NRG1: variants seen among roughly 807,000 people sequenced by gnomAD.
NRG1 encodes the protein neuregulin 1.
NRG1 carries 18 observed loss-of-function variants against 63.8 expected under a neutral mutation model. That is an observed-to-expected ratio of 0.28 (90% confidence interval 0.19 to 0.42). NRG1 has a LOEUF of 0.42. Among genes scored for constraint, NRG1 ranks in the 10% least tolerant of loss-of-function variants. NRG1 has a pLI of 1.00. For synonymous variants in NRG1, 302 were observed against 301.3 expected (o/e 1.00, Z -0.02); for missense variants, 762 against 814.7 (o/e 0.94, Z 0.79).
At chr8:32,486,680 A>G (rs1825945010) in intron 1 of NRG1, among the ~76,000 whole-genome samples, 1 of 146,570 alleles carries the variant, frequency 6.8e-6, no homozygotes, top group African/African-American at 2.6e-5. Flanking sequence ...GCTGGAGTGC[A>G]GTGGCATGAC....
At chr8:32,744,625 A>C (rs946319750) in intron 7 of NRG1, among the ~76,000 whole-genome samples, 1 of 152,138 alleles carries the variant, frequency 6.6e-6, no homozygotes, top group Non-Finnish European at 1.5e-5. Flanking sequence ...CAGTAAAATC[A>C]TATTTTAGAC....
At chr8:31,824,057 G>A (rs887073772) in intron 1 of NRG1, among the ~76,000 whole-genome samples, 1 of 151,764 alleles carries the variant, frequency 6.6e-6, no homozygotes, top group African/African-American at 2.4e-5. Context: ...TAGGGTACAT[G>A]TGCACAACGT....
intron 1 of NRG1, among the ~76,000 whole-genome samples, chr8:31,865,233 T>A (rs1828847195): frequency 6.6e-6 from 1 of 152,084 alleles, no homozygotes; most frequent in South Asian, 2.1e-4. Context: ...TGTGAATGGA[T>A]GAGAGTTCAA....
In NRG1 at chr8:31,885,148, G is replaced by A. The variant is rs145843359; in HGVS notation, c.37+245717G>A. On this transcript the variant is annotated intron_variant, in intron 1 of 10. Transcript: ENST00000519301. ...TGAAGTGCAGTATGATTTCGATAAG[G>A]CCTAAGCAATTATCAAATCAGAAAT... is the stretch of plus-strand genomic sequence containing the variant. Among the ~76,000 whole-genome samples the A allele has an allele frequency of 3.8e-3, 583 of 152,162 alleles. 6 individuals carry two copies. Among genetic ancestry groups the A allele is most frequent in the African/African-American group, 0.013 (554 of 41,518 alleles).
chr8:32,325,146 A>G (rs1801841443), intron 1 of NRG1, among the ~76,000 whole-genome samples: 1 of 152,198 alleles, frequency 6.6e-6, no homozygotes, highest in Non-Finnish European at 1.5e-5. Flanking sequence ...TTCAACACTT[A>G]AGGAGGAGGC....
At chr8:32,136,783 G>T (rs1835586992) in intron 1 of NRG1, 3 of 152,226 alleles carry the variant, frequency 2.0e-5, no homozygotes, top group South Asian at 2.1e-4. Flanking sequence ...TTTCTAAGAG[G>T]TTCTAAAATG....
intron 1 of NRG1, among the ~76,000 whole-genome samples, chr8:32,080,776 TG>T (rs1827339354): frequency 7.7e-6 from 1 of 129,758 alleles, no homozygotes; most frequent in Non-Finnish European, 1.6e-5. Flanking sequence ...TGTGTGTGTG[TG>T]TGTGTGTGTG....
chr8:31,865,759 A>G (rs1049130640), intron 1 of NRG1, among the ~76,000 whole-genome samples: 2 of 152,160 alleles, frequency 1.3e-5, no homozygotes, highest in Non-Finnish European at 2.9e-5. Flanking sequence ...TCCATTATAA[A>G]TTACCCAGTC....
chr8:32,042,446 T>A (rs1477629186), intron 1 of NRG1, among the ~76,000 whole-genome samples: 2 of 150,980 alleles, frequency 1.3e-5, no homozygotes, highest in Non-Finnish European at 3.0e-5. Flanking sequence ...ACCTAAAAAT[T>A]AAAAAAAACA....
At chr8:32,165,501 A>G (rs748338348) in intron 1 of NRG1, among the ~76,000 whole-genome samples, 110 of 152,180 alleles carry the variant, frequency 7.2e-4, no homozygotes, top group Admixed American at 1.8e-3. Flanking sequence ...ATAATAAACA[A>G]AAGAAAAAAG....
intron 1 of NRG1, among the ~76,000 whole-genome samples, chr8:32,313,166 C>T (rs1191709525): frequency 2.0e-5 from 3 of 152,144 alleles, no homozygotes; most frequent in Non-Finnish European, 4.4e-5. Context: ...TATATATTCA[C>T]ATGATTTAGG....
chr8:31,837,053 C>T (rs1448280303), intron 1 of NRG1, among the ~76,000 whole-genome samples: 1 of 151,772 alleles, frequency 6.6e-6, no homozygotes, highest in South Asian at 2.1e-4. Context: ...ATGTAAGGGC[C>T]ATTTGTATTT....
intron 1 of NRG1, among the ~76,000 whole-genome samples, chr8:32,066,862 G>A (rs201546192): frequency 0.55 from 82,878 of 151,280 alleles, 26,514 homozygotes; most frequent in Non-Finnish European, 0.71. Context: ...CTTTTATTTC[G>A]TTGAGCAGTG....
At chr8:32,467,501 G>C (rs974348969) in intron 1 of NRG1, among the ~76,000 whole-genome samples, 2 of 152,142 alleles carry the variant, frequency 1.3e-5, no homozygotes, top group Non-Finnish European at 2.9e-5. Flanking sequence ...ACACATAGCT[G>C]CTGCATAAGA....
intron 7 of NRG1, among the ~76,000 whole-genome samples, chr8:32,753,353 C>T (rs1292074298): frequency 6.6e-6 from 1 of 152,122 alleles, no homozygotes; most frequent in African/African-American, 2.4e-5. Context: ...TCAACTTATC[C>T]CCCAAAGAAA....
chr8:32,542,204 C>T (rs747811981), intron 1 of NRG1, among the ~76,000 whole-genome samples: 4 of 152,114 alleles, frequency 2.6e-5, no homozygotes, highest in East Asian at 1.9e-4. Context: ...TATGCTTCTT[C>T]GCATTTTATC....
At chr8:32,197,473 C>T (rs1843076688) in intron 1 of NRG1, among the ~76,000 whole-genome samples, 1 of 152,176 alleles carries the variant, frequency 6.6e-6, no homozygotes, top group Non-Finnish European at 1.5e-5. Context: ...ATGGGGCTAG[C>T]CTGGGCAAAA....
At chr8:32,556,470 A>T (rs1160758959) in intron 1 of NRG1, among the ~76,000 whole-genome samples, 2 of 152,202 alleles carry the variant, frequency 1.3e-5, no homozygotes, top group African/African-American at 4.8e-5. Context: ...CTATTAGCAG[A>T]TAGTTGTTAT....
chr8:32,195,403 C>A (rs1281718519), intron 1 of NRG1, among the ~76,000 whole-genome samples: 1 of 146,242 alleles, frequency 6.8e-6, no homozygotes, highest in Non-Finnish European at 1.5e-5. Context: ...TGTGCCACTG[C>A]AGTCCAGCCT....
Sources: gnomAD v4.1 joint callset for allele counts (sites outside exome capture counted in the v4.1 genomes callset) on GRCh38, gnomAD v4.1.1 for gene constraint, MANE v1.5 for transcripts, NCBI Gene and HGNC (gene_info 2026-07-23, HGNC 2026-07-21) for gene names.